The following EFHC2 variants were observed in gnomAD, a reference collection of about 807,000 sequenced individuals.
EFHC2 encodes the protein EF-hand domain containing 2.
In EFHC2, 18 loss-of-function variants were observed where a neutral mutation model predicts 52.7. The ratio of observed to expected loss-of-function variants is 0.34; its 90% CI spans 0.24 to 0.51. The LOEUF (loss-of-function observed/expected upper bound fraction) is 0.51, where lower values mean the gene tolerates loss of function less well. Ranked by LOEUF, EFHC2 falls within the 20% of genes least tolerant of loss-of-function variation. The pLI is 0.97. For missense variants in EFHC2, 513 were observed against 562.5 expected (o/e 0.91, Z 0.89); for synonymous variants, 203 against 204.1 (o/e 0.99, Z 0.04).
intron 11 of EFHC2, 21 bp downstream of exon 11, chrX:44,229,628 T>A: frequency 8.3e-7 from 1 of 1,209,901 alleles, no homozygotes; most frequent in Non-Finnish European, 1.1e-6. Context: ...AACAGGTGAT[T>A]GTTAGCAGAA....
At chrX:44,306,422 G>A in intron 2 of EFHC2, among the ~76,000 whole-genome samples, 1 of 111,130 alleles carries the variant, frequency 9.0e-6, no homozygotes, top group East Asian at 2.9e-4. Context: ...ACTCTCCCAC[G>A]AGCCCCACCC....
At chrX:44,241,103 T>G (rs190784349) in intron 8 of EFHC2, among the ~76,000 whole-genome samples, 5 of 111,420 alleles carry the variant, frequency 4.5e-5, no homozygotes, top group African/African-American at 1.3e-4. Context: ...TCTCCTAGAC[T>G]TACCACATTC....
In EFHC2 at chrX:44,209,071, G is replaced by A. The variant is rs1175582048; in HGVS notation, c.1751+20578C>T. 7.1e-5 allele frequency among the ~76,000 whole-genome samples: 4 copies of A among 56,661 alleles called. No individual in the cohort carries two copies. The East Asian group carries it at 2.0e-3, about 29-fold the overall frequency. The allele number at this position is 56,661 out of a possible 115,157, so 49.2% of individuals were successfully genotyped here. A position where few individuals can be genotyped will look rare whatever the true frequency, so the allele number is the denominator to read the frequency against. On this transcript the variant is annotated intron_variant, in intron 11 of 14. Transcript: ENST00000420999. ...TGTGTGTGTGTGTGTGTGTGTGTGT[G>A]TGTGTGTGTGTGTGTTAACCTAGAC...
Position 44,245,990 on chromosome X carries a change from C to T in EFHC2, c.1111+2282G>A, listed in dbSNP as rs377442321. Among the ~76,000 whole-genome samples, 6 of 111,252 alleles carry T rather than the reference C, an allele frequency of 5.4e-5. No homozygotes were observed. The South Asian group carries it at 1.1e-3, about 21-fold the overall frequency. On this transcript the variant is annotated intron_variant, in intron 7 of 14. Coordinates refer to ENST00000420999, the MANE Select transcript of EFHC2 (RefSeq NM_025184.4). Reference sequence around the variant, plus strand: ...CCTGCGTGCTGCACAGTGGAGATACCCAGGTTTTCTACTGAACACAATTAT... The same window carrying T: ...CCTGCGTGCTGCACAGTGGAGATACTCAGGTTTTCTACTGAACACAATTAT...
chrX:44,334,292 G>A (rs748740275), intron 1 of EFHC2, among the ~76,000 whole-genome samples: 1 of 111,939 alleles, frequency 8.9e-6, no homozygotes, highest in Non-Finnish European at 1.9e-5. Flanking sequence ...AAGTATGGAT[G>A]GCAGCTTCAA....
intron 1 of EFHC2, among the ~76,000 whole-genome samples, chrX:44,328,476 A>T (rs1234096299): frequency 9.0e-6 from 1 of 111,229 alleles, no homozygotes; most frequent in Non-Finnish European, 1.9e-5. Flanking sequence ...CCTAAGGCCA[A>T]TTTACGCTGA....
chrX:44,322,546 T>A (rs761889179), intron 1 of EFHC2, among the ~76,000 whole-genome samples: 1 of 111,962 alleles, frequency 8.9e-6, no homozygotes, highest in African/African-American at 3.2e-5. Flanking sequence ...ATCAGAAGCC[T>A]GGCATTCACC....
chrX:44,251,747 G>A (rs747525081), intron 4 of EFHC2, among the ~76,000 whole-genome samples: 4 of 106,442 alleles, frequency 3.8e-5, no homozygotes, highest in Non-Finnish European at 7.7e-5. Flanking sequence ...ACTAATCTAC[G>A]GTGACAGAAA....
chrX:44,236,882 G>C (rs981036271), intron 8 of EFHC2, among the ~76,000 whole-genome samples: 1 of 111,862 alleles, frequency 8.9e-6, no homozygotes, highest in African/African-American at 3.3e-5. Context: ...TAACATTTCA[G>C]ATACTAGAAA....
intron 1 of EFHC2, 29 bp downstream of exon 1, chrX:44,343,518 C>T (rs1408712136): frequency 1.1e-5 from 13 of 1,182,266 alleles, no homozygotes; most frequent in Non-Finnish European, 1.5e-5. Context: ...CAGCCGGGAG[C>T]TGTGACCTCG....
intron 11 of EFHC2, among the ~76,000 whole-genome samples, chrX:44,219,030 C>T (rs1213382983): frequency 9.2e-6 from 1 of 109,156 alleles, no homozygotes; most frequent in Non-Finnish European, 1.9e-5. Context: ...TAGTGATACA[C>T]TCTATAATAC....
chrX:44,302,704 G>A (rs1428912271), intron 2 of EFHC2, among the ~76,000 whole-genome samples: 3 of 111,743 alleles, frequency 2.7e-5, no homozygotes, highest in African/African-American at 9.8e-5. Flanking sequence ...TAAAACATGG[G>A]ATTAAAACGG....
chrX:44,229,656 T>C lies in EFHC2; in HGVS notation c.1744A>G (p.Thr582Ala), dbSNP rs747393329. Residue 582 changes from threonine to alanine, a missense_variant, in exon 11 of 15, where the codon ACA becomes GCA. By Grantham distance (58) the Thr-to-Ala change is moderately conservative (BLOSUM62 0). Coordinates refer to ENST00000420999, the MANE Select transcript of EFHC2 (RefSeq NM_025184.4). ...TAGCAGAATATGGCTTACCTGAATG[T>C]ATTATAATCCACCATATTTGTGTGC... ...SKHTNMVDYN[T>A]FRDILMSLTV... 2.5e-6 allele frequency: 3 copies of C among 1,211,066 alleles called. No individual in the cohort carries two copies. In the African/African-American group the frequency reaches 5.2e-5, roughly 21 times the overall value.
chrX:44,291,117 T>A (rs750338237), intron 2 of EFHC2, among the ~76,000 whole-genome samples: 1 of 112,250 alleles, frequency 8.9e-6, no homozygotes, highest in South Asian at 3.7e-4. Flanking sequence ...CTCCACATTT[T>A]AAAATTTTGC....
At position 44,242,270 on chromosome X, in the gene EFHC2, T is replaced by C. The variant is rs777558668; in HGVS notation, c.1131A>G (p.Ser377=). 1 of 1,208,270 alleles carries C rather than the reference T, an allele frequency of 8.3e-7. No homozygotes were observed. Among genetic ancestry groups the C allele is most frequent in the Non-Finnish European group, 1.1e-6 (1 of 894,032 alleles). The change falls in exon 8 of 15, where the codon TCA becomes TCG. Residue 377 remains serine (S), a synonymous_variant. Transcript: ENST00000420999. The stretch of plus-strand genomic sequence containing the variant: ...TTGGAGGAGGAGAAGGAGGCTTGCA[T>C]GAAACTGAGGTAAAGTTCTCTAGAA... The part of the protein sequence containing the change: ...KYGIENFTSV[S]CKPPSPPPKI...
intron 1 of EFHC2, among the ~76,000 whole-genome samples, chrX:44,321,399 A>C (rs939713223): frequency 9.0e-6 from 1 of 111,332 alleles, no homozygotes; most frequent in African/African-American, 3.3e-5. Context: ...TCTGAAGTTC[A>C]AGCAAGAAGT....
At chrX:44,158,575 G>A (rs2036626753) in intron 14 of EFHC2, among the ~76,000 whole-genome samples, 1 of 110,765 alleles carries the variant, frequency 9.0e-6, no homozygotes, top group Non-Finnish European at 1.9e-5. Flanking sequence ...ACAACCTGAT[G>A]GATCTTACCC....
chrX:44,187,085 T>G (rs1340822195), intron 11 of EFHC2, among the ~76,000 whole-genome samples: 5 of 97,641 alleles, frequency 5.1e-5, no homozygotes, highest in African/African-American at 2.0e-4. Context: ...TTCTGCTGTA[T>G]GCCAGCCTGG....
chrX:44,283,752 C>T (rs2037730720), intron 2 of EFHC2, among the ~76,000 whole-genome samples: 1 of 103,834 alleles, frequency 9.6e-6, no homozygotes, highest in African/African-American at 3.6e-5. Context: ...CTTAGGAGTA[C>T]GTTCCGGGCT....
Sources: gnomAD v4.1 joint callset for allele counts (sites outside exome capture counted in the v4.1 genomes callset) on GRCh38, gnomAD v4.1.1 for gene constraint, MANE v1.5 for transcripts, NCBI Gene and HGNC (gene_info 2026-07-23, HGNC 2026-07-21) for gene names.